Variants in ZNF600 observed in about 807,000 individuals in gnomAD.
ZNF600 encodes the protein zinc finger protein 600.
Under a neutral mutation model 7.3 loss-of-function variants are expected in ZNF600, and 4 were observed. The observed-to-expected ratio is 0.55, with a 90% CI of 0.27 to 1.25. The LOEUF is 1.25. ZNF600 is among the 50% of genes most tolerant of loss of function. The probability of loss-of-function intolerance (pLI) is 0.12; values close to 1 mark genes in which losing one functional copy is unlikely to be tolerated. For synonymous variants in ZNF600, 290 were observed against 308.9 expected (o/e 0.94, Z 0.64); for missense variants, 911 against 922.1 (o/e 0.99, Z 0.16).
the ZNF600 span, among the ~76,000 whole-genome samples, chr19:52,813,775 C>T: frequency 1.4e-5 from 2 of 146,686 alleles, no homozygotes; most frequent in African/African-American, 2.6e-5. Context: ...TGTAAATTCC[C>T]CTTCCCCATG....
the ZNF600 span, among the ~76,000 whole-genome samples, chr19:52,818,439 T>A: frequency 6.6e-6 from 1 of 151,984 alleles, no homozygotes; most frequent in Admixed American, 6.6e-5. Flanking sequence ...TGGGCTGGGC[T>A]CAGTGGCTCA....
chr19:52,786,836 G>T, upstream of ZNF600: 1 of 288,370 alleles, frequency 3.5e-6, no homozygotes, highest in Non-Finnish European at 7.4e-6. Context: ...CGGGGTAGAG[G>T]CGGGGCCCCA....
At chr19:52,783,494 C>T (rs1409968205) in intron 1 of ZNF600, among the ~76,000 whole-genome samples, 1 of 151,702 alleles carries the variant, frequency 6.6e-6, no homozygotes, top group African/African-American at 2.4e-5. Flanking sequence ...CCGGAGCAGC[C>T]GGGACTACAG....
chr19:52,809,890 C>T, the ZNF600 span: 9 of 787,980 alleles, frequency 1.1e-5, no homozygotes, highest in Admixed American at 4.2e-5. Context: ...GGATCCAGGC[C>T]GGGGCGGCGC....
At chr19:52,782,769 G>A (rs1041453948) in intron 1 of ZNF600, among the ~76,000 whole-genome samples, 3 of 151,984 alleles carry the variant, frequency 2.0e-5, no homozygotes, top group Admixed American at 1.3e-4. Context: ...CCAGCTGCTC[G>A]GGAGGCTGAG....
exon 4 of ZNF600, chr19:52,765,108 T>G (rs2062557934): frequency 8.0e-6 from 3 of 374,302 alleles, no homozygotes; most frequent in Non-Finnish European, 1.6e-5. Context: ...CAAACTCAAG[T>G]CAATGCTGGA....
chr19:52,786,843 C>G (rs1974835), upstream of ZNF600: 88,055 of 272,240 alleles, frequency 0.32, 17,821 homozygotes, highest in East Asian at 0.7. Flanking sequence ...GAGGCGGGGC[C>G]CCAGGCGGAG....
At chr19:52,786,690 C>G in exon 1 of ZNF600, 1 of 261,244 alleles carries the variant, frequency 3.8e-6, no homozygotes. Context: ...CGCCGGGGAC[C>G]TGGGAAGTGC....
chr19:52,808,847 C>CAA, the ZNF600 span, among the ~76,000 whole-genome samples: 1 of 151,858 alleles, frequency 6.6e-6, no homozygotes, highest in Admixed American at 6.6e-5. Flanking sequence ...CAAAATTACT[C>CAA]AAAGTACAAA....
intron 3 of ZNF600, among the ~76,000 whole-genome samples, chr19:52,771,779 AT>A (rs536025724): frequency 6.6e-6 from 1 of 151,804 alleles, no homozygotes; most frequent in African/African-American, 2.4e-5. Flanking sequence ...CGCCCGTCCA[AT>A]TTTTTTTAAT....
chr19:52,782,423 TGAG>T (rs1432304333), intron 1 of ZNF600, among the ~76,000 whole-genome samples: 1 of 151,644 alleles, frequency 6.6e-6, no homozygotes, highest in Non-Finnish European at 1.5e-5. Flanking sequence ...CTCAGGAGGC[TGAG>T]GCAGGAGAAT....
chr19:52,810,371 T>C, the ZNF600 span: 2 of 1,605,024 alleles, frequency 1.2e-6, no homozygotes, highest in East Asian at 4.5e-5. Context: ...CTCACTTTCA[T>C]GGCTGTGGTT....
chr19:52,777,202 C>T (rs1178134002), intron 2 of ZNF600, among the ~76,000 whole-genome samples: 1 of 151,884 alleles, frequency 6.6e-6, no homozygotes, highest in Non-Finnish European at 1.5e-5. Context: ...TACGGTGAAA[C>T]CCCATCTCTA....
At chr19:52,774,163 C>T (rs1218049817) in intron 3 of ZNF600, among the ~76,000 whole-genome samples, 1 of 152,032 alleles carries the variant, frequency 6.6e-6, no homozygotes, top group African/African-American at 2.4e-5. Context: ...GGGGCTGTGG[C>T]TCATGCCTGT....
chr19:52,817,308 G>A, the ZNF600 span, among the ~76,000 whole-genome samples: 3 of 152,058 alleles, frequency 2.0e-5, no homozygotes, highest in Non-Finnish European at 4.4e-5. Context: ...GGAGGCGGAG[G>A]TTGCGGTGAG....
intron 2 of ZNF600, among the ~76,000 whole-genome samples, chr19:52,778,027 CTTTT>C (rs1423254354): frequency 6.7e-6 from 1 of 149,918 alleles, no homozygotes; most frequent in Non-Finnish European, 1.5e-5. Flanking sequence ...TCTCTCTTTT[CTTTT>C]GAGACAGAGT....
upstream of ZNF600, among the ~76,000 whole-genome samples, chr19:52,789,828 G>C (rs2147599631): frequency 6.6e-6 from 1 of 152,324 alleles, no homozygotes; most frequent in East Asian, 1.9e-4. Flanking sequence ...CAACATGGCT[G>C]TTTATTTCAC....
chr19:52,778,541 G>T (rs948419648), intron 2 of ZNF600, among the ~76,000 whole-genome samples: 7 of 152,118 alleles, frequency 4.6e-5, no homozygotes, highest in Non-Finnish European at 7.4e-5. Context: ...AATCCAGCCT[G>T]CCCAGCAGCA....
intron 2 of ZNF600, 51 bp downstream of exon 4, chr19:52,778,775 C>A: frequency 1.3e-6 from 2 of 1,565,656 alleles, no homozygotes; most frequent in Non-Finnish European, 1.7e-6. Flanking sequence ...CAATACCTGG[C>A]ATTTCAGAAA....
Sources: allele counts gnomAD v4.1 joint callset (sites outside exome capture counted in the v4.1 genomes callset), GRCh38; gene constraint gnomAD v4.1.1; transcripts MANE v1.5; gene names NCBI Gene and HGNC (gene_info 2026-07-23, HGNC 2026-07-21).